The following SNX9 variants were observed in gnomAD, a reference collection of about 807,000 sequenced individuals.
The protein encoded by SNX9 is sorting nexin 9, also known as sorting nexin-9.
In SNX9, 44 loss-of-function variants were observed where a neutral mutation model predicts 89.4. The observed-to-expected ratio is 0.49, with a 90% CI of 0.39 to 0.63. SNX9 has a LOEUF of 0.63. Among genes scored for constraint, SNX9 ranks in the 30% least tolerant of loss-of-function variants. The probability of loss-of-function intolerance (pLI) is 0.00; values close to 1 mark genes in which losing one functional copy is unlikely to be tolerated. For synonymous variants in SNX9, 236 were observed against 247.8 expected (o/e 0.95, Z 0.45); for missense variants, 578 against 736.1 (o/e 0.79, Z 2.49).
In SNX9 at chr6:157,940,910, G is replaced by C. The variant is rs1439997039; in HGVS notation, c.1676G>C (p.Arg559Pro). 1 of 1,614,016 alleles carries C rather than the reference G, an allele frequency of 6.2e-7. No homozygotes were observed. Among genetic ancestry groups the C allele is most frequent in the Admixed American group, 1.7e-5 (1 of 60,008 alleles). Residue 559 changes from arginine to proline, a missense_variant, in exon 17 of 18, where the codon CGG becomes CCG. This residue lies in a region of SNX9 where 348 missense variants were observed against 491.4 expected (regional missense o/e 0.71). Coordinates refer to ENST00000392185, the MANE Select transcript of SNX9 (RefSeq NM_016224.5). The part of the protein sequence containing the change: ...QAEMNHFHSN[R>P]IYDYNSVIRL... ...GAGATGAATCACTTTCACAGTAACC[G>C]GATCTATGATTACAACAGTGTCATC...
chr6:157,880,384 A>G lies in SNX9; in HGVS notation c.300+5208A>G, dbSNP rs372507889. Among the ~76,000 whole-genome samples, 54 of 152,182 alleles carry G rather than the reference A, an allele frequency of 3.5e-4. 3 individuals are homozygous for G. The highest frequency in any genetic ancestry group is 1.2e-3 in the African/African-American group (49 of 41,506). On this transcript the variant is annotated intron_variant, in intron 4 of 17. Coordinates refer to ENST00000392185, the MANE Select transcript of SNX9 (RefSeq NM_016224.5). ...GTGTTCCAGCCTCTCTCACTATTCT[A>G]CCCTCTCTAATCGTGTAGATTCCCT...
intron 1 of SNX9, among the ~76,000 whole-genome samples, chr6:157,837,009 CTTGG>C (rs1781597489): frequency 1.3e-5 from 2 of 152,192 alleles, no homozygotes; most frequent in African/African-American, 4.8e-5. Flanking sequence ...GGGTTCTGTC[CTTGG>C]TTGGTCCCTA....
Position 157,944,752 on chromosome 6 carries a change from T to G in SNX9, c.*1914T>G, listed in dbSNP as rs1358445992. 6.6e-6 allele frequency: 1 copy of G among 152,070 alleles called. No homozygotes were observed. Among genetic ancestry groups the G allele is most frequent in the Non-Finnish European group, 1.5e-5 (1 of 68,012 alleles). The allele number at this position is 152,070 out of a possible 1,614,324, so 9.4% of individuals were successfully genotyped here. On this transcript the variant is annotated 3_prime_UTR_variant, in exon 18 of 18. Transcript: ENST00000392185. The stretch of plus-strand genomic sequence containing the variant: ...CAGACAGTCTCCCAGTGTCTGACTC[T>G]CGGATATTTGGATTTGACTGGTGTG...
rs1192465257 is a variant in SNX9, at chr6:157,874,454, A to C, written c.175-597A>C. On this transcript the variant is annotated intron_variant, in intron 3 of 17. Transcript: ENST00000392185. The stretch of plus-strand genomic sequence containing the variant: ...ATTCTGCTTATATAAAGGAATAGTG[A>C]TTACAGATATTCTTGGGTTTGCTTA... 10 of 152,232 alleles carry C rather than the reference A, an allele frequency of 6.6e-5. 1 individual carries two copies. Among genetic ancestry groups the C allele is most frequent in the Admixed American group, 4.6e-4 (7 of 15,288 alleles). 9.4% of individuals were successfully genotyped at this position (152,232 alleles called of 1,614,324 possible).
At chr6:157,825,277 A>G (rs936313890) in intron 1 of SNX9, among the ~76,000 whole-genome samples, 33 of 152,128 alleles carry the variant, frequency 2.2e-4, no homozygotes, top group African/African-American at 7.5e-4. Context: ...TCCGTTTGAA[A>G]AAAGAGAAGA....
At chr6:157,841,147 G>A (rs546828438) in intron 1 of SNX9, among the ~76,000 whole-genome samples, 11 of 152,280 alleles carry the variant, frequency 7.2e-5, no homozygotes, top group African/African-American at 2.6e-4. Flanking sequence ...AGAAGAAATG[G>A]CATCATCTTG....
intron 16 of SNX9, among the ~76,000 whole-genome samples, chr6:157,939,826 A>T (rs1172495685): frequency 6.6e-6 from 1 of 152,176 alleles, no homozygotes; most frequent in Non-Finnish European, 1.5e-5. Context: ...TAAAATGTAG[A>T]ACAGTTTGCA....
chr6:157,894,106 C>CTTTTTTTT lies in SNX9; in HGVS notation c.301-2707_301-2700dup, dbSNP rs746909411. 3.2e-3 allele frequency among the ~76,000 whole-genome samples: 289 copies of CTTTTTTTT among 89,514 alleles called. 13 individuals carry two copies. The highest frequency in any genetic ancestry group is 8.3e-3 in the Middle Eastern group (1 of 120). The allele number at this position is 89,514 out of a possible 152,430, so 58.7% of individuals were successfully genotyped here. A position where few individuals can be genotyped will look rare whatever the true frequency, so the allele number is the denominator to read the frequency against. On this transcript the variant is annotated intron_variant, in intron 4 of 17. Transcript: ENST00000392185. The stretch of plus-strand genomic sequence containing the variant: ...TTCTTTTTCTTTTCGCTTTTCTTTT[C>CTTTTTTTT]TTTTTTTTTTTTTTTTTTTTTGAGA...
chr6:157,885,603 T>C (rs1039697900), intron 4 of SNX9, among the ~76,000 whole-genome samples: 3 of 152,226 alleles, frequency 2.0e-5, no homozygotes, highest in Admixed American at 6.5e-5. Context: ...CAGTTGCACG[T>C]GGTATAGTCG....
chr6:157,869,863 G>A (rs556629592), intron 2 of SNX9, among the ~76,000 whole-genome samples: 3 of 151,542 alleles, frequency 2.0e-5, no homozygotes, highest in South Asian at 4.2e-4. Flanking sequence ...ACACACACTC[G>A]CACACACCCT....
At chr6:157,864,191 A>G (rs1053322582) in intron 1 of SNX9, among the ~76,000 whole-genome samples, 3 of 152,052 alleles carry the variant, frequency 2.0e-5, no homozygotes, top group African/African-American at 7.2e-5. Flanking sequence ...TCCAGGGGTA[A>G]GGGTGTTGTG....
In SNX9 at chr6:157,942,567, G is replaced by A. The variant is rs112608761; in HGVS notation, c.1741-224G>A. On this transcript the variant is annotated intron_variant, in intron 17 of 17. Coordinates refer to ENST00000392185, the MANE Select transcript of SNX9 (RefSeq NM_016224.5). ...TGGGGAGCATGTGTAGACGCCTCCC[G>A]GCGGGAAGGGACCACCAGGGCCAGC... is the stretch of plus-strand genomic sequence containing the variant. Among the ~76,000 whole-genome samples the A allele has an allele frequency of 4.5e-3, 686 of 152,380 alleles. 4 individuals are homozygous for A. Among genetic ancestry groups the A allele is most frequent in the African/African-American group, 0.016 (659 of 41,590 alleles).
chr6:157,887,612 C>T (rs1003774813), intron 4 of SNX9, among the ~76,000 whole-genome samples: 4 of 152,196 alleles, frequency 2.6e-5, no homozygotes, highest in African/African-American at 9.7e-5. Context: ...TCCCGTATCT[C>T]AGGATCACTT....
intron 6 of SNX9, among the ~76,000 whole-genome samples, chr6:157,903,213 A>G (rs1375241257): frequency 6.6e-6 from 1 of 152,230 alleles, no homozygotes; most frequent in Non-Finnish European, 1.5e-5. Flanking sequence ...TTCCAATTCC[A>G]TGATTCAAGG....
intron 9 of SNX9, among the ~76,000 whole-genome samples, chr6:157,911,517 T>G (rs1783344717): frequency 6.6e-6 from 1 of 152,250 alleles, no homozygotes; most frequent in Non-Finnish European, 1.5e-5. Flanking sequence ...TCCCACGTGT[T>G]CCTGGACACT....
chr6:157,888,543 G>T (rs1029605191), intron 4 of SNX9, among the ~76,000 whole-genome samples: 7 of 152,158 alleles, frequency 4.6e-5, no homozygotes, highest in African/African-American at 1.4e-4. Context: ...TTTCACTCTT[G>T]TTCACTGGGC....
chr6:157,888,154 G>A (rs1782776222), intron 4 of SNX9, among the ~76,000 whole-genome samples: 1 of 152,184 alleles, frequency 6.6e-6, no homozygotes, highest in Admixed American at 6.5e-5. Flanking sequence ...TGACCAGGTG[G>A]CTTTGCTGAT....
chr6:157,925,205 A>G (rs1783665740), intron 10 of SNX9, among the ~76,000 whole-genome samples: 1 of 152,270 alleles, frequency 6.6e-6, no homozygotes, highest in African/African-American at 2.4e-5. Context: ...GTGATCATGT[A>G]CTTCATAAAA....
At chr6:157,874,812 C>A in intron 3 of SNX9, 1 of 355,090 alleles carries the variant, frequency 2.8e-6, no homozygotes, top group Non-Finnish European at 5.0e-6. Flanking sequence ...TTGAACAATC[C>A]ACTTCTAAAT....
Sources: gnomAD v4.1 joint callset for allele counts (sites outside exome capture counted in the v4.1 genomes callset) on GRCh38, gnomAD v4.1.1 for gene constraint, gnomAD v4.1.1 regional missense constraint, MANE v1.5 for transcripts, NCBI Gene and HGNC (gene_info 2026-07-23, HGNC 2026-07-21) for gene names.